Variants in NPM2 observed in about 807,000 individuals in gnomAD.
NPM2 encodes nucleoplasmin-2.
Under a neutral mutation model 32.0 loss-of-function variants are expected in NPM2, and 25 were observed. The observed-to-expected ratio is 0.78, with a 90% confidence interval of 0.57 to 1.09. The LOEUF is 1.09. NPM2 is among the 50% of genes least tolerant of loss of function. NPM2 has a pLI of 0.00. For synonymous variants in NPM2, 111 were observed against 94.2 expected, an observed-to-expected ratio of 1.18 and a Z score of -1.04; for missense variants, 282 against 259.9, an observed-to-expected ratio of 1.08 and a Z score of -0.58.
In NPM2 at chr8:22,025,540, G is replaced by C; in HGVS notation, c.144+19G>C. The stretch of plus-strand genomic sequence containing the variant: ...TCATACGGTAGGTGTTCCCAAAAGA[G>C]GGGAGGAAGATGGTGTCCGGGAACT... On this transcript the variant is annotated intron_variant, in intron 4 of 9. Transcript: ENST00000518119. The C allele has an allele frequency of 6.2e-7, 1 of 1,613,852 alleles. No individual in the cohort carries two copies. The highest frequency in any genetic ancestry group is 8.5e-7 in the Non-Finnish European group (1 of 1,179,822).
intron 5 of NPM2, among the ~76,000 whole-genome samples, chr8:22,026,309 T>C (rs1800252050): frequency 6.6e-6 from 1 of 152,148 alleles, no homozygotes; most frequent in Non-Finnish European, 1.5e-5. Context: ...TCCACAATGA[T>C]TGGAGACTGC....
At chr8:22,034,728 C>T (rs1008812107) in intron 8 of NPM2, among the ~76,000 whole-genome samples, 184 bp downstream of exon 8, 7 of 152,158 alleles carry the variant, frequency 4.6e-5, no homozygotes, top group Non-Finnish European at 7.4e-5. Context: ...AGCATTACAA[C>T]GTTCTTATCT....
At chr8:22,029,914 C>T (rs1459717351) in intron 5 of NPM2, among the ~76,000 whole-genome samples, 1 of 152,104 alleles carries the variant, frequency 6.6e-6, no homozygotes, top group Non-Finnish European at 1.5e-5. Flanking sequence ...TATAGTTTTA[C>T]CATGATGTGT....
At chr8:22,036,045 T>G (rs1800609276) in intron 8 of NPM2, among the ~76,000 whole-genome samples, 1 of 152,134 alleles carries the variant, frequency 6.6e-6, no homozygotes, top group African/African-American at 2.4e-5. Flanking sequence ...TTTTCTTGTC[T>G]ATTTGCTATA....
In NPM2 at chr8:22,033,129, G is replaced by A; in HGVS notation, c.271-1G>A. On this transcript the variant is annotated splice_acceptor_variant, in intron 5 of 9. Transcript: ENST00000518119. LOFTEE classifies it high-confidence loss of function. ...GTCTTCTCTGCTTCCTCCCCCTGCAGGTCTCCATGGTAGGAGTGCAGCTTT... is the reference window on the plus strand; with the variant it reads ...GTCTTCTCTGCTTCCTCCCCCTGCAAGTCTCCATGGTAGGAGTGCAGCTTT... 1 of 1,613,554 alleles carries A rather than the reference G, an allele frequency of 6.2e-7. No individual in the cohort carries two copies. Among genetic ancestry groups the A allele is most frequent in the Non-Finnish European group, 8.5e-7 (1 of 1,179,492 alleles).
chr8:22,034,761 C>T (rs1187284952), intron 8 of NPM2, among the ~76,000 whole-genome samples: 1 of 152,182 alleles, frequency 6.6e-6, no homozygotes, highest in Non-Finnish European at 1.5e-5. Flanking sequence ...CCAGTGAAGG[C>T]AATTCCTTCC....
At chr8:22,031,633 A>G (rs962344274) in intron 5 of NPM2, among the ~76,000 whole-genome samples, 2 of 152,184 alleles carry the variant, frequency 1.3e-5, no homozygotes, top group African/African-American at 4.8e-5. Flanking sequence ...TTTAGTAGAA[A>G]CAGGGTTTCA....
chr8:22,033,132 C>T lies in NPM2; in HGVS notation c.273C>T (p.Val91=), dbSNP rs1192728964. 4 of 1,613,800 alleles carry T rather than the reference C, an allele frequency of 2.5e-6. No individual in the cohort carries two copies. The part of the protein sequence containing the change: ...ASLQASVLPM[V]SMVGVQLSPP... ...TTCTCTGCTTCCTCCCCCTGCAGGTCTCCATGGTAGGAGTGCAGCTTTCTC... is the reference window on the plus strand; with the variant it reads ...TTCTCTGCTTCCTCCCCCTGCAGGTTTCCATGGTAGGAGTGCAGCTTTCTC... The change falls in exon 6 of 10, where the codon GTC becomes GTT. Residue 91 remains valine (V), a splice_region_variant and synonymous_variant. Transcript: ENST00000518119.
chr8:22,025,447 AG>A lies in NPM2; in HGVS notation c.71del (p.Ser24IlefsTer71). 1 of 1,614,070 alleles carries A rather than the reference AG, an allele frequency of 6.2e-7. No homozygotes were observed. The highest frequency in any genetic ancestry group is 8.5e-7 in the Non-Finnish European group (1 of 1,180,000). ...TTTCTCCTCCGCAGGCTGCGAGCTC[AG>A]TCAGGAGAGGCGGACTTGGACCTTC... is the stretch of plus-strand genomic sequence containing the variant. ...VTTVLWGCELSQERRTWTFRP... is the reference protein window; with the variant it reads ...VTTVLWGCELXQERRTWTFRP... On this transcript the variant is annotated frameshift_variant, in exon 4 of 10. Coordinates refer to ENST00000518119, the MANE Select transcript of NPM2 (RefSeq NM_001286680.2). LOFTEE classifies it high-confidence loss of function.
In NPM2 at chr8:22,036,773, T is replaced by G; in HGVS notation, c.*91T>G. ...TGCCCCTGTCCAGCCCCTCCACCTGTGTCTGAATGCAACAGGGGTGTTGCG... is the reference window on the plus strand; with the variant it reads ...TGCCCCTGTCCAGCCCCTCCACCTGGGTCTGAATGCAACAGGGGTGTTGCG... On this transcript the variant is annotated 3_prime_UTR_variant, in exon 10 of 10. Coordinates refer to ENST00000518119, the MANE Select transcript of NPM2 (RefSeq NM_001286680.2). The G allele has an allele frequency of 7.6e-7, 1 of 1,317,212 alleles. No individual in the cohort carries two copies. The highest frequency in any genetic ancestry group is 1.5e-5 in the South Asian group (1 of 67,292). The allele number at this position is 1,317,212 out of a possible 1,614,324, so 81.6% of individuals were successfully genotyped here.
rs372304710 is a variant in NPM2 at position 22,025,290 on chromosome 8, G to C, written c.42G>C (p.Val14=). 13 of 1,610,774 alleles carry C rather than the reference G, an allele frequency of 8.1e-6. No homozygotes were observed. Among genetic ancestry groups the C allele is most frequent in the African/African-American group, 1.3e-5 (1 of 74,822 alleles). ...SSASSTEEKA[V]TTVLWGCELS... ...CCAGTAGCACGGAGGAAAAGGCAGTGACGACCGTGCTCTGGGGTGAGTGGG... is the reference window on the plus strand; with the variant it reads ...CCAGTAGCACGGAGGAAAAGGCAGTCACGACCGTGCTCTGGGGTGAGTGGG... The change falls in exon 3 of 10, where the codon GTG becomes GTC. Residue 14 remains valine (V), a synonymous_variant. Transcript: ENST00000518119.
intron 6 of NPM2, among the ~76,000 whole-genome samples, chr8:22,033,435 C>T (rs1455211196): frequency 6.6e-6 from 1 of 152,184 alleles, no homozygotes; most frequent in African/African-American, 2.4e-5. Flanking sequence ...GCTGCAGCCC[C>T]TCACTTGTAA....
chr8:22,034,632 G>A lies in NPM2; in HGVS notation c.566+88G>A, dbSNP rs1563357271. The A allele has an allele frequency of 2.2e-5, 24 of 1,092,828 alleles. 1 individual carries two copies. In the South Asian group the frequency reaches 2.8e-4, roughly 13 times the overall value. The allele number at this position is 1,092,828 out of a possible 1,614,324, so 67.7% of individuals were successfully genotyped here. ...AATACTGTGCTGTTGGGATGTACGT[G>A]TACAAATGTACACACGGTGTGTCTA... On this transcript the variant is annotated intron_variant, in intron 8 of 9. Transcript: ENST00000518119.
intron 8 of NPM2, 22 bp downstream of exon 8, chr8:22,034,566 AT>A: frequency 6.3e-7 from 1 of 1,593,840 alleles, no homozygotes; most frequent in African/African-American, 1.3e-5. Context: ...TACCTATTAA[AT>A]TAGCCAAAGT....
In NPM2 at chr8:22,027,822, G is replaced by C. The variant is rs1314264901; in HGVS notation, c.270+2050G>C. Among the ~76,000 whole-genome samples, 3 of 152,070 alleles carry C rather than the reference G, an allele frequency of 2.0e-5. No individual in the cohort carries two copies. In the East Asian group the frequency reaches 5.8e-4, roughly 29 times the overall value. On this transcript the variant is annotated intron_variant, in intron 5 of 9. Transcript: ENST00000518119. Reference sequence around the variant, plus strand: ...GGTTTTTGCCATGTTGGTCAGGCTGGTCTCGAACTCCTGACCTCAGGTGAT... The same window carrying C: ...GGTTTTTGCCATGTTGGTCAGGCTGCTCTCGAACTCCTGACCTCAGGTGAT...
In NPM2 at chr8:22,026,454, C is replaced by CTTTTTTTTTTT. The variant is rs1171179196; in HGVS notation, c.270+690_270+700dup. The stretch of plus-strand genomic sequence containing the variant: ...AATTGTGAATAATGGCAGTTCTTGC[C>CTTTTTTTTTTT]TTTTTTTTTTTTTTTTTTGAGATGG... On this transcript the variant is annotated intron_variant, in intron 5 of 9. Transcript: ENST00000518119. Among the ~76,000 whole-genome samples the CTTTTTTTTTTT allele has an allele frequency of 1.3e-4, 14 of 111,398 alleles. 1 individual carries two copies. The highest frequency in any genetic ancestry group is 2.1e-4 in the African/African-American group (6 of 28,456). The allele number at this position is 111,398 out of a possible 152,430, so 73.1% of individuals were successfully genotyped here. A position where few individuals can be genotyped will look rare whatever the true frequency, so the allele number is the denominator to read the frequency against.
rs982431574 is a variant in NPM2 at position 22,034,135 on chromosome 8, G to A, written c.391G>A (p.Glu131Lys). Residue 131 changes from glutamate to lysine, a missense_variant, in exon 7 of 10, where the codon GAG (glutamate) becomes AAG (lysine). Physicochemically the swap from Glu to Lys is moderately conservative, Grantham distance 56 (BLOSUM62 1). Coordinates refer to ENST00000518119, the MANE Select transcript of NPM2 (RefSeq NM_001286680.2). ...AGCATCAGACCTAACCTGGGAGGAG[G>A]AGGAGGAAGAAGAAGGGGAGGAGGA... ...YEASDLTWEE[E>K]EEEEGEEEEE... 5.0e-6 allele frequency: 8 copies of A among 1,607,630 alleles called. No homozygotes were observed. In the African/African-American group the frequency reaches 6.7e-5, roughly 13 times the overall value.
intron 2 of NPM2, 144 bp from the exon 3 acceptor site, chr8:22,025,072 T>C: frequency 1.6e-6 from 1 of 618,936 alleles, no homozygotes; most frequent in South Asian, 2.2e-5. Context: ...CCTCCAGGAG[T>C]TGCCGGTGAG....
At chr8:22,033,037 G>A in intron 5 of NPM2, 93 bp from the exon 6 acceptor site, 1 of 897,554 alleles carries the variant, frequency 1.1e-6, no homozygotes. Flanking sequence ...AGGGTTTGGG[G>A]AGGGAAATCA....
Sources: allele counts gnomAD v4.1 joint callset (sites outside exome capture counted in the v4.1 genomes callset), GRCh38; gene constraint gnomAD v4.1.1; transcripts MANE v1.5; gene names NCBI Gene and HGNC (gene_info 2026-07-23, HGNC 2026-07-21).